MTMR7: variants seen among roughly 807,000 people sequenced by gnomAD.
The protein encoded by MTMR7 is myotubularin related protein 7.
In MTMR7, 76 loss-of-function variants were observed where a neutral mutation model predicts 81.2. That is an observed-to-expected ratio of 0.94 (90% confidence interval 0.78 to 1.13). The LOEUF is 1.13. MTMR7 is among the 50% of genes most tolerant of loss of function. The pLI is 0.00. For missense variants in MTMR7, 1,044 were observed against 820.0 expected (o/e 1.27, Z -3.34); for synonymous variants, 372 against 289.8 (o/e 1.28, Z -2.88).
intron 10 of MTMR7, among the ~76,000 whole-genome samples, chr8:17,307,680 T>TA (rs1273009670): frequency 2.6e-5 from 4 of 152,182 alleles, no homozygotes; most frequent in African/African-American, 9.7e-5. Flanking sequence ...ATGTGGCACA[T>TA]ATACACCATG....
intron 7 of MTMR7, among the ~76,000 whole-genome samples, chr8:17,318,911 C>T (rs927795739): frequency 1.3e-5 from 2 of 152,216 alleles, no homozygotes; most frequent in African/African-American, 4.8e-5. Context: ...TACACCCTCA[C>T]ATCTCCAACG....
chr8:17,388,820 C>A (rs1163507717), intron 1 of MTMR7, among the ~76,000 whole-genome samples: 5 of 152,220 alleles, frequency 3.3e-5, no homozygotes, highest in African/African-American at 1.2e-4. Flanking sequence ...ACTCTGTCCA[C>A]CCAGGCCAAG....
intron 11 of MTMR7, 116 bp downstream of exon 11, chr8:17,305,641 G>T: frequency 1.2e-6 from 1 of 803,752 alleles, no homozygotes; most frequent in Non-Finnish European, 2.0e-6. Flanking sequence ...TAATCTGTCA[G>T]TATAGGTATG....
rs1283486185 is a variant in MTMR7 at position 17,299,896 on chromosome 8, C to T, written c.1949G>A (p.Arg650Gln). 3.7e-6 allele frequency: 6 copies of T among 1,613,994 alleles called. No homozygotes were observed. The highest frequency in any genetic ancestry group is 4.5e-5 in the East Asian group (2 of 44,876). ...GAGAAACACGGCTTCATCAGAATCC[C>T]GGTCCTTGCCACTATCTTCACTCGG... ...HAPSEDSGKD[R>Q]DSDEAVFLTA The change falls in exon 14 of 14, where the codon CGG becomes CAG. Residue 650 changes from arginine to glutamine, a missense_variant. Transcript: ENST00000180173.
chr8:17,397,638 G>A (rs1359758565), intron 1 of MTMR7, among the ~76,000 whole-genome samples: 1 of 152,180 alleles, frequency 6.6e-6, no homozygotes, highest in African/African-American at 2.4e-5. Context: ...CCCAGGGCCT[G>A]GGGGAACTCG....
At chr8:17,389,049 G>C (rs777237899) in intron 1 of MTMR7, among the ~76,000 whole-genome samples, 5 of 152,158 alleles carry the variant, frequency 3.3e-5, no homozygotes, top group Non-Finnish European at 5.9e-5. Flanking sequence ...AAGCAAAGCT[G>C]CATGATTGCC....
chr8:17,325,185 T>TGG (rs1818620159), intron 7 of MTMR7, among the ~76,000 whole-genome samples: 1 of 152,004 alleles, frequency 6.6e-6, no homozygotes, highest in African/African-American at 2.4e-5. Context: ...CCACTGGAGC[T>TGG]GGGTGTGTCC....
chr8:17,302,177 C>G lies in MTMR7; in HGVS notation c.1597G>C (p.Glu533Gln), dbSNP rs1189491327. ...AVKEETQQLE[E>Q]ELEALEERLE... The stretch of plus-strand genomic sequence containing the variant: ...ACTTCTTCCAGGGCCTCTAGTTCTT[C>G]CTCTAGCTGCTGAGTTTCTTCCTTC... Residue 533 changes from glutamate (E) to glutamine (Q), a missense_variant, in exon 13 of 14, where the codon GAA becomes CAA. Transcript: ENST00000180173. 1 of 1,614,130 alleles carries G rather than the reference C, an allele frequency of 6.2e-7. No individual in the cohort carries two copies. Among genetic ancestry groups the G allele is most frequent in the Non-Finnish European group, 8.5e-7 (1 of 1,179,988 alleles).
intron 9 of MTMR7, among the ~76,000 whole-genome samples, chr8:17,310,797 G>A (rs1468295943): frequency 6.6e-6 from 1 of 152,184 alleles, no homozygotes; most frequent in East Asian, 1.9e-4. Flanking sequence ...AGCATCTTGT[G>A]TAGCACGGAT....
rs372246791 is a variant in MTMR7, at chr8:17,375,480, GT to G, written c.25-2241del. ...CAGTGCCCTTCACCTACTAGCTTAT[GT>G]TTTTTTTTTTTTTTTACAAGAATTC... On this transcript the variant is annotated intron_variant, in intron 1 of 13. Transcript: ENST00000180173. Among the ~76,000 whole-genome samples, 1,233 of 136,576 alleles carry G rather than the reference GT, an allele frequency of 9.0e-3. 13 individuals are homozygous for G. The highest frequency in any genetic ancestry group is 0.026 in the African/African-American group (962 of 36,634). 89.6% of individuals were successfully genotyped at this position (136,576 alleles called of 152,430 possible).
Position 17,371,131 on chromosome 8 carries a change from A to T in MTMR7, c.216T>A (p.Ile72=). Residue 72 remains isoleucine (I), a synonymous_variant, in exon 3 of 14, where the codon ATT becomes ATA. Transcript: ENST00000180173. ...ATTATGCPLL[I]RCKNFQIIQL... ...GTATTATCTGAAAGTTCTTGCAGCG[A>T]ATCAGCAGAGGGCATCCGGTAGCGG... 6.2e-7 allele frequency: 1 copy of T among 1,614,226 alleles called. No homozygotes were observed.
chr8:17,350,164 T>C (rs931111758), intron 4 of MTMR7, among the ~76,000 whole-genome samples: 1 of 152,204 alleles, frequency 6.6e-6, no homozygotes, highest in Non-Finnish European at 1.5e-5. Context: ...TGTCCTGGGA[T>C]ATGTCAGGCA....
intron 7 of MTMR7, among the ~76,000 whole-genome samples, chr8:17,319,894 A>G (rs981063395): frequency 2.6e-5 from 4 of 152,168 alleles, no homozygotes; most frequent in African/African-American, 7.2e-5. Context: ...ATCACTTACA[A>G]CAGTGCTGCC....
chr8:17,388,811 CTCTG>C (rs1821020431), intron 1 of MTMR7, among the ~76,000 whole-genome samples: 1 of 152,240 alleles, frequency 6.6e-6, no homozygotes. Flanking sequence ...AAGGGGTACA[CTCTG>C]TCCACCCAGG....
At chr8:17,346,021 C>T (rs1470010052) in intron 5 of MTMR7, 1 of 152,160 alleles carries the variant, frequency 6.6e-6, no homozygotes, top group Non-Finnish European at 1.5e-5. Context: ...TACCTGTTTA[C>T]TTTTTGTGGG....
rs557700064 is a variant in MTMR7 at position 17,353,055 on chromosome 8, A to G, written c.469-3974T>C. Among the ~76,000 whole-genome samples, 12 of 152,348 alleles carry G rather than the reference A, an allele frequency of 7.9e-5. No individual in the cohort carries two copies. In the East Asian group the frequency reaches 2.1e-3, roughly 27 times the overall value. On this transcript the variant is annotated intron_variant, in intron 4 of 13. Transcript: ENST00000180173. ...GTGGAAGCAACCCAGATGTCCATCA[A>G]GTGATGAATGGATAAGCAAAATGTG...
chr8:17,376,325 T>C (rs1194704878), intron 1 of MTMR7, among the ~76,000 whole-genome samples: 3 of 152,224 alleles, frequency 2.0e-5, no homozygotes, highest in African/African-American at 7.2e-5. Flanking sequence ...ATATTTCATT[T>C]ACCAATTCAT....
chr8:17,318,823 C>G (rs914458980), intron 7 of MTMR7, among the ~76,000 whole-genome samples: 1 of 152,222 alleles, frequency 6.6e-6, no homozygotes, highest in Non-Finnish European at 1.5e-5. Context: ...GAGAAGCAGC[C>G]TCCACAGGCA....
At position 17,372,784 on chromosome 8, in the gene MTMR7, T is replaced by C. The variant is rs188581846; in HGVS notation, c.147+334A>G. On this transcript the variant is annotated intron_variant, in intron 2 of 13. Transcript: ENST00000180173. Reference sequence around the variant, plus strand: ...TACAGGACCCTGCAAATAGAGACTATTGCAAATGGAGCACTGGAGGATGAC... The same window carrying C: ...TACAGGACCCTGCAAATAGAGACTACTGCAAATGGAGCACTGGAGGATGAC... 4.0e-3 allele frequency among the ~76,000 whole-genome samples: 606 copies of C among 152,210 alleles called. 2 individuals are homozygous for C. The highest frequency in any genetic ancestry group is 0.014 in the African/African-American group (567 of 41,526).
Sources: gnomAD v4.1 joint callset for allele counts (sites outside exome capture counted in the v4.1 genomes callset) on GRCh38, gnomAD v4.1.1 for gene constraint, MANE v1.5 for transcripts, NCBI Gene and HGNC (gene_info 2026-07-23, HGNC 2026-07-21) for gene names.